Variants in PJA2 observed in about 807,000 individuals in gnomAD.
PJA2 encodes praja ring finger ubiquitin ligase 2.
In PJA2, 25 loss-of-function variants were observed where a neutral mutation model predicts 69.3. That is an observed-to-expected ratio of 0.36 (90% CI 0.26 to 0.50). The LOEUF is 0.50. Ranked by LOEUF, PJA2 falls within the 20% of genes least tolerant of loss-of-function variation. PJA2 has a pLI of 0.96. For missense variants in PJA2, 809 were observed against 830.2 expected (o/e 0.97, Z 0.31); for synonymous variants, 308 against 277.8 (o/e 1.11, Z -1.08).
chr5:109,363,134 A>T (rs1172396016), intron 5 of PJA2, 112 bp from the exon 6 acceptor site: 2 of 877,654 alleles, frequency 2.3e-6, no homozygotes, highest in East Asian at 5.6e-5. Flanking sequence ...AGCTCTTGGT[A>T]CTTTTATAAT....
intron 1 of PJA2, among the ~76,000 whole-genome samples, chr5:109,389,350 A>G (rs1195611593): frequency 6.6e-6 from 1 of 152,044 alleles, no homozygotes; most frequent in East Asian, 1.9e-4. Flanking sequence ...CAGATTTTCT[A>G]TTTCTTTATA....
intron 4 of PJA2, among the ~76,000 whole-genome samples, chr5:109,374,529 G>C (rs1373110674): frequency 6.6e-6 from 1 of 152,094 alleles, no homozygotes; most frequent in African/African-American, 2.4e-5. Context: ...GAACCTTGTG[G>C]GAACAGGGAC....
At chr5:109,383,310 C>A in intron 2 of PJA2, 93 bp downstream of exon 2, 1 of 1,105,878 alleles carries the variant, frequency 9.0e-7, no homozygotes, top group Non-Finnish European at 1.4e-6. Flanking sequence ...AGTAAGACCA[C>A]AGGTCAGATG....
At chr5:109,404,396 C>T (rs914867031) in intron 1 of PJA2, among the ~76,000 whole-genome samples, 1 of 151,954 alleles carries the variant, frequency 6.6e-6, no homozygotes, top group African/African-American at 2.4e-5. Flanking sequence ...TGACATACGC[C>T]TGTAATCCCA....
Position 109,399,525 on chromosome 5 carries a change from GGT to G in PJA2, c.-88+10315_-88+10316del, listed in dbSNP as rs1349559499. ...ACTTCAGCTGTCACACTAAGCACAA[GGT>G]AACACTAAGCACAATGCAACCACAG... On this transcript the variant is annotated intron_variant, in intron 1 of 9. Coordinates refer to ENST00000361189, the MANE Select transcript of PJA2 (RefSeq NM_014819.5). Among the ~76,000 whole-genome samples, 4 of 152,136 alleles carry G rather than the reference GGT, an allele frequency of 2.6e-5. No individual in the cohort carries two copies. In the East Asian group the frequency reaches 7.7e-4, roughly 29 times the overall value.
At chr5:109,354,720 ATATAT>A (rs1762382583) in intron 7 of PJA2, among the ~76,000 whole-genome samples, 1 of 146,842 alleles carries the variant, frequency 6.8e-6, no homozygotes, top group African/African-American at 2.5e-5. Flanking sequence ...TATATCTAAT[ATATAT>A]TATATATTAG....
At chr5:109,394,690 C>T (rs1001520983) in intron 1 of PJA2, among the ~76,000 whole-genome samples, 6 of 152,040 alleles carry the variant, frequency 3.9e-5, no homozygotes, top group African/African-American at 1.5e-4. Flanking sequence ...AATTATTAGA[C>T]AAAAATATAA....
rs572082976 is a variant in PJA2, at chr5:109,375,774, T to A, written c.1283+2430A>T. 5.9e-5 allele frequency among the ~76,000 whole-genome samples: 9 copies of A among 152,154 alleles called. No homozygotes were observed. In the South Asian group the frequency reaches 1.9e-3, roughly 32 times the overall value. On this transcript the variant is annotated intron_variant, in intron 4 of 9. Coordinates refer to ENST00000361189, the MANE Select transcript of PJA2 (RefSeq NM_014819.5). The stretch of plus-strand genomic sequence containing the variant: ...AACTAGGGAGGATGACAATGAAACA[T>A]CAGGGAGATGAACAAGGGCAAAATG...
In PJA2 at chr5:109,344,172, A is replaced by AATTG. The variant is rs2126987052; in HGVS notation, c.2001+17_2001+18insCAAT. The AATTG allele has an allele frequency of 6.6e-7, 1 of 1,511,868 alleles. No individual in the cohort carries two copies. The highest frequency in any genetic ancestry group is 8.9e-7 in the Non-Finnish European group (1 of 1,125,002). 93.7% of individuals were successfully genotyped at this position (1,511,868 alleles called of 1,614,324 possible). ...ACTATTAAAGTATTTTTAAATTTTT[A>AATTG]ATTATTCTATCACTCACCTTTTGTA... On this transcript the variant is annotated intron_variant, in intron 9 of 9. Transcript: ENST00000361189.
At chr5:109,357,815 T>A (rs1189637405) in intron 6 of PJA2, among the ~76,000 whole-genome samples, 1 of 152,210 alleles carries the variant, frequency 6.6e-6, no homozygotes, top group African/African-American at 2.4e-5. Flanking sequence ...TCAAACAACA[T>A]AAATTGTGTC....
At chr5:109,372,590 A>C (rs1394809567) in intron 4 of PJA2, among the ~76,000 whole-genome samples, 3 of 152,198 alleles carry the variant, frequency 2.0e-5, no homozygotes, top group Non-Finnish European at 2.9e-5. Flanking sequence ...GGATGTGGAA[A>C]TCAGGAGGTC....
intron 3 of PJA2, 114 bp from the exon 4 acceptor site, chr5:109,379,368 G>A (rs1175778672): frequency 8.0e-6 from 6 of 749,776 alleles, no homozygotes; most frequent in Non-Finnish European, 8.4e-6. Context: ...GAATACATGA[G>A]TAAATTTATT....
chr5:109,401,398 T>A (rs1747542790), intron 1 of PJA2, among the ~76,000 whole-genome samples: 1 of 152,080 alleles, frequency 6.6e-6, no homozygotes, highest in East Asian at 1.9e-4. Flanking sequence ...AGCTCAAGGC[T>A]ATAGTGAGAC....
At chr5:109,398,969 T>C (rs935722662) in intron 1 of PJA2, among the ~76,000 whole-genome samples, 3 of 151,922 alleles carry the variant, frequency 2.0e-5, no homozygotes, top group African/African-American at 7.3e-5. Flanking sequence ...CCCAGCACTT[T>C]GGGAGGCCAA....
At chr5:109,363,962 G>T (rs1195332833) in intron 5 of PJA2, among the ~76,000 whole-genome samples, 1 of 152,064 alleles carries the variant, frequency 6.6e-6, no homozygotes, top group Admixed American at 6.6e-5. Flanking sequence ...GACCAGCCTG[G>T]ACAACATAGT....
chr5:109,385,071 A>T (rs13175670), intron 1 of PJA2, among the ~76,000 whole-genome samples: 120,535 of 152,200 alleles, frequency 0.79, 48,701 homozygotes, highest in African/African-American at 0.93. Context: ...TGCCTTGGCC[A>T]CCCAAAGTGC....
chr5:109,409,515 G>A (rs556413796), intron 1 of PJA2, among the ~76,000 whole-genome samples: 54 of 152,242 alleles, frequency 3.5e-4, no homozygotes, highest in African/African-American at 1.2e-3. Flanking sequence ...AGTCACCAAG[G>A]ACAGCAGAAG....
intron 4 of PJA2, among the ~76,000 whole-genome samples, chr5:109,370,412 T>C (rs1030282886): frequency 6.6e-6 from 1 of 152,162 alleles, no homozygotes; most frequent in African/African-American, 2.4e-5. Context: ...AAGATGATAT[T>C]AACAAACAGT....
At chr5:109,343,008 C>T (rs1292373988) in intron 9 of PJA2, among the ~76,000 whole-genome samples, 4 of 100,412 alleles carry the variant, frequency 4.0e-5, no homozygotes, top group African/African-American at 1.7e-4. Context: ...GGGAGGTGTG[C>T]CCAACAGCTC....
Sources: gnomAD v4.1 joint callset for allele counts (sites outside exome capture counted in the v4.1 genomes callset) on GRCh38, gnomAD v4.1.1 for gene constraint, MANE v1.5 for transcripts, NCBI Gene and HGNC (gene_info 2026-07-23, HGNC 2026-07-21) for gene names.